Variants in EPB41 observed in about 807,000 individuals in gnomAD.
EPB41 encodes protein 4.1.
Under a neutral mutation model 108.0 loss-of-function variants are expected in EPB41, and 65 were observed. The ratio of observed to expected loss-of-function variants is 0.60; its 90% CI spans 0.49 to 0.74. The LOEUF is 0.74. Among genes scored for constraint, EPB41 ranks in the 30% least tolerant of loss-of-function variants. EPB41 has a pLI of 0.00. For missense variants in EPB41, 875 were observed against 1,037.0 expected, an observed-to-expected ratio of 0.84 and a Z score of 2.15; for synonymous variants, 336 against 358.9, an observed-to-expected ratio of 0.94 and a Z score of 0.72.
intron 16 of EPB41, among the ~76,000 whole-genome samples, chr1:29,094,719 C>T (rs1417908661): frequency 6.6e-6 from 1 of 152,046 alleles, no homozygotes; most frequent in Non-Finnish European, 1.5e-5. Flanking sequence ...GTGTGAATTC[C>T]TTCTTCTTCC....
chr1:29,055,195 C>G (rs1463910977), intron 12 of EPB41, among the ~76,000 whole-genome samples: 1 of 152,180 alleles, frequency 6.6e-6, no homozygotes, highest in African/African-American at 2.4e-5. Flanking sequence ...TCATCAGGTT[C>G]ACTGTCAACA....
chr1:28,969,619 G>A lies in EPB41; in HGVS notation c.-7-17812G>A, dbSNP rs139078466. ...TCTGTACTAAAAATACAAAAAATTG[G>A]CCGGTCGCAGTGGCTCAAGCCTGTA... is the stretch of plus-strand genomic sequence containing the variant. On this transcript the variant is annotated intron_variant, in intron 1 of 20. Coordinates refer to ENST00000343067, the MANE Select transcript of EPB41 (RefSeq NM_001376013.1). Among the ~76,000 whole-genome samples the A allele has an allele frequency of 3.7e-3, 568 of 151,650 alleles. 6 individuals carry two copies. Among genetic ancestry groups the A allele is most frequent in the African/African-American group, 0.013 (526 of 41,392 alleles).
intron 7 of EPB41, among the ~76,000 whole-genome samples, chr1:29,028,957 A>G (rs957814862): frequency 2.6e-5 from 4 of 151,860 alleles, no homozygotes; most frequent in Admixed American, 2.0e-4. Context: ...TGGGAAGATC[A>G]CTTGAGCCTG....
chr1:29,006,270 T>A (rs1317531167), intron 4 of EPB41, among the ~76,000 whole-genome samples: 1 of 141,318 alleles, frequency 7.1e-6, no homozygotes, highest in Non-Finnish European at 1.5e-5. Flanking sequence ...GGAGTCTCGC[T>A]CTGTCGCCTA....
intron 2 of EPB41, among the ~76,000 whole-genome samples, chr1:28,990,493 T>C (rs974601677): frequency 6.6e-5 from 10 of 151,626 alleles, no homozygotes; most frequent in Admixed American, 2.0e-4. Flanking sequence ...TGATCATGGC[T>C]CACTACAGCC....
chr1:28,963,357 G>GTC (rs1278935839), intron 1 of EPB41, among the ~76,000 whole-genome samples: 1 of 150,292 alleles, frequency 6.7e-6, no homozygotes, highest in African/African-American at 2.5e-5. Flanking sequence ...GTGTGTGTGT[G>GTC]TGTGTGTGTG....
intron 1 of EPB41, among the ~76,000 whole-genome samples, chr1:28,977,404 T>C (rs924839988): frequency 2.0e-5 from 3 of 151,876 alleles, no homozygotes; most frequent in Non-Finnish European, 4.4e-5. Flanking sequence ...CTTTTTTTTT[T>C]TTTTTTTAAA....
At position 28,887,369 on chromosome 1, in the gene EPB41, T is replaced by C. The variant is rs2089534469; in HGVS notation, c.-8+159T>C. 1 of 985,192 alleles carries C rather than the reference T, an allele frequency of 1.0e-6. No homozygotes were observed. Among genetic ancestry groups the C allele is most frequent in the African/African-American group, 1.7e-5 (1 of 57,194 alleles). 61.0% of individuals were successfully genotyped at this position (985,192 alleles called of 1,614,324 possible). A position where few individuals can be genotyped will look rare whatever the true frequency, so the allele number is the denominator to read the frequency against. ...GGTCCAGCGGTCCCGAATTCCAGAA[T>C]CCGAACTTGGGGTCCAAAGGAGTCT... On this transcript the variant is annotated intron_variant, in intron 1 of 16. Transcript: ENST00000347529. The surrounding 1 kb of genome is among the most constrained non-coding windows in gnomAD (Gnocchi z 4.9).
At chr1:29,023,739 C>G (rs775401237) in intron 7 of EPB41, among the ~76,000 whole-genome samples, 11 of 151,670 alleles carry the variant, frequency 7.3e-5, no homozygotes, top group Non-Finnish European at 1.3e-4. Context: ...ATAATTTTTA[C>G]AATAATTGTT....
At chr1:28,978,640 G>A (rs906509007) in intron 1 of EPB41, among the ~76,000 whole-genome samples, 2 of 151,412 alleles carry the variant, frequency 1.3e-5, no homozygotes, top group Non-Finnish European at 2.9e-5. Flanking sequence ...GGAGATTAGT[G>A]TGTAAGTCTT....
At chr1:28,956,259 A>G (rs553199609) in intron 1 of EPB41, among the ~76,000 whole-genome samples, 13 of 152,340 alleles carry the variant, frequency 8.5e-5, no homozygotes, top group African/African-American at 2.6e-4. Flanking sequence ...TTAGAAAAGT[A>G]TATATCTCTG....
intron 1 of EPB41, among the ~76,000 whole-genome samples, chr1:28,888,651 G>T (rs1355181171): frequency 6.6e-6 from 1 of 152,166 alleles, no homozygotes; most frequent in East Asian, 1.9e-4. Context: ...CTTTTGAGAC[G>T]GAGTCTCGCT....
chr1:28,923,013 C>T (rs752543745), intron 1 of EPB41, among the ~76,000 whole-genome samples: 5 of 151,884 alleles, frequency 3.3e-5, no homozygotes, highest in Admixed American at 6.6e-5. Context: ...TAGGTGTGAG[C>T]CAACACACTC....
chr1:28,953,924 A>G (rs2094843974), intron 1 of EPB41, among the ~76,000 whole-genome samples: 1 of 152,172 alleles, frequency 6.6e-6, no homozygotes. Flanking sequence ...TTGCATTTCT[A>G]GCAAGTTCCC....
intron 16 of EPB41, 89 bp from the exon 17 acceptor site, chr1:29,097,718 G>T: frequency 1.3e-6 from 2 of 1,486,444 alleles, no homozygotes; most frequent in Non-Finnish European, 1.9e-6. Context: ...CTTAATTAAA[G>T]CTAACACTTT....
chr1:29,101,528 C>T (rs774653720), intron 17 of EPB41, among the ~76,000 whole-genome samples: 3 of 151,862 alleles, frequency 2.0e-5, no homozygotes, highest in Non-Finnish European at 4.4e-5. Flanking sequence ...ATTAGCCAGG[C>T]GTGGTGGCGT....
At chr1:29,083,178 A>G (rs1404791729) in intron 16 of EPB41, among the ~76,000 whole-genome samples, 1 of 148,858 alleles carries the variant, frequency 6.7e-6, no homozygotes, top group Non-Finnish European at 1.5e-5. Context: ...TACAACCTTG[A>G]AAAAAAAAAG....
rs1401728225 is a variant in EPB41 at position 28,887,731 on chromosome 1, C to G, written c.-8+521C>G. On this transcript the variant is annotated intron_variant, in intron 1 of 16. Coordinates refer to the EPB41 transcript ENST00000347529. The surrounding 1 kb of genome is among the most constrained non-coding windows in gnomAD (Gnocchi z 4.9). ...ACTTTGAGTTTCCGGACCCAGGAACCGACCCGCCAGCTGGGGCGCCGGCTG... is the reference window on the plus strand; with the variant it reads ...ACTTTGAGTTTCCGGACCCAGGAACGGACCCGCCAGCTGGGGCGCCGGCTG... 1 of 978,110 alleles carries G rather than the reference C, an allele frequency of 1.0e-6. No individual in the cohort carries two copies. Among genetic ancestry groups the G allele is most frequent in the Non-Finnish European group, 1.2e-6 (1 of 823,422 alleles). 60.6% of individuals were successfully genotyped at this position (978,110 alleles called of 1,614,324 possible). A position where few individuals can be genotyped will look rare whatever the true frequency, so the allele number is the denominator to read the frequency against.
chr1:28,993,653 T>TTTTA, intron 3 of EPB41, 111 bp downstream of exon 3: 2 of 913,538 alleles, frequency 2.2e-6, no homozygotes, highest in African/African-American at 2.2e-5. Flanking sequence ...ATTATTTCTT[T>TTTTA]TTTCTTTTTT....
Sources: allele counts gnomAD v4.1 joint callset (sites outside exome capture counted in the v4.1 genomes callset), GRCh38; gene constraint gnomAD v4.1.1; non-coding constraint Gnocchi (gnomAD v3.1); transcripts MANE v1.5; gene names NCBI Gene and HGNC (gene_info 2026-07-23, HGNC 2026-07-21).